COL4A4: variants seen among roughly 807,000 people sequenced by gnomAD.
The protein encoded by COL4A4 is collagen type IV alpha 4 chain, also known as collagen alpha-4(IV) chain.
In COL4A4, 105 loss-of-function variants were observed where a neutral mutation model predicts 192.9. The observed-to-expected ratio is 0.54, with a 90% confidence interval of 0.46 to 0.64. The LOEUF is 0.64. Ranked by LOEUF, COL4A4 falls within the 30% of genes least tolerant of loss-of-function variation. COL4A4 has a pLI of 0.00. For missense variants in COL4A4, 1,967 were observed against 2,169.3 expected, an observed-to-expected ratio of 0.91 and a Z score of 1.85; for synonymous variants, 762 against 769.9, an observed-to-expected ratio of 0.99 and a Z score of 0.17.
chr2:226,982,341 G>T, the COL4A4 span, among the ~76,000 whole-genome samples: 12 of 152,208 alleles, frequency 7.9e-5, no homozygotes, highest in Non-Finnish European at 1.2e-4. Flanking sequence ...CTCCTAGGCC[G>T]CAGATAATCT....
chr2:227,030,303 C>T, intron 41 of COL4A4, 140 bp downstream of exon 41: 1 of 914,282 alleles, frequency 1.1e-6, no homozygotes. Context: ...AACTTCAGGA[C>T]TCTTTGGGGA....
rs376458953 is a variant in COL4A4 at position 227,108,603 on chromosome 2, A to G, written c.713T>C (p.Val238Ala). Residue 238 changes from valine to alanine, a missense_variant, in exon 12 of 48, where the codon GTA (valine) becomes GCA (alanine). Transcript: ENST00000396625. ...TACCGGGTCTCCCATTTGCCCCTTT[A>G]CTCCCACACCGGGATTTCCCTGAGA... is the stretch of plus-strand genomic sequence containing the variant. Reference protein sequence around the residue: ...PGLKGNPGVGVKGQMGDPGEV... With the variant: ...PGLKGNPGVGAKGQMGDPGEV... The G allele has an allele frequency of 2.2e-5, 35 of 1,613,840 alleles. No individual in the cohort carries two copies. The highest frequency in any genetic ancestry group is 2.9e-5 in the Non-Finnish European group (34 of 1,179,912).
chr2:227,087,560 C>A (rs2059670179), intron 22 of COL4A4, among the ~76,000 whole-genome samples: 1 of 152,188 alleles, frequency 6.6e-6, no homozygotes, highest in African/African-American at 2.4e-5. Context: ...AACATGTTGG[C>A]TCTGTCTTCA....
intron 37 of COL4A4, among the ~76,000 whole-genome samples, chr2:227,036,048 A>G (rs1969598125): frequency 6.6e-6 from 1 of 152,240 alleles, no homozygotes; most frequent in Admixed American, 6.5e-5. Context: ...AAAGTTGTTC[A>G]TGCATAAAAT....
chr2:227,018,253 T>C (rs1031010260), intron 44 of COL4A4, among the ~76,000 whole-genome samples: 3 of 152,148 alleles, frequency 2.0e-5, no homozygotes, highest in Admixed American at 6.6e-5. Context: ...TTGTTTTAGA[T>C]GGAGTTTCGC....
At chr2:227,119,730 A>C (rs1340937246) in intron 6 of COL4A4, among the ~76,000 whole-genome samples, 165 bp downstream of exon 6, 1 of 148,718 alleles carries the variant, frequency 6.7e-6, no homozygotes, top group Non-Finnish European at 1.5e-5. Context: ...AGATATATAT[A>C]TATTACGTTG....
At chr2:227,153,904 G>C (rs535309617) in intron 1 of COL4A4, among the ~76,000 whole-genome samples, 2 of 152,244 alleles carry the variant, frequency 1.3e-5, no homozygotes, top group Admixed American at 1.3e-4. Flanking sequence ...AAAGTCTTAC[G>C]TCAATTTACT....
chr2:227,080,663 T>A (rs1022175083), intron 23 of COL4A4, 114 bp from the exon 24 acceptor site: 2 of 843,952 alleles, frequency 2.4e-6, no homozygotes, highest in Admixed American at 4.0e-5. Context: ...GTTTCCTGTG[T>A]ATCTCAATTG....
intron 31 of COL4A4, among the ~76,000 whole-genome samples, chr2:227,053,553 T>C (rs1468321928): frequency 6.9e-6 from 1 of 144,342 alleles, no homozygotes. Context: ...CTTTTTTTTT[T>C]TTTTTTTTTT....
chr2:227,137,491 T>G (rs1309851296), intron 4 of COL4A4, among the ~76,000 whole-genome samples: 1 of 152,068 alleles, frequency 6.6e-6, no homozygotes, highest in African/African-American at 2.4e-5. Flanking sequence ...CTCTGAAGGG[T>G]GGAAATAATA....
intron 41 of COL4A4, among the ~76,000 whole-genome samples, chr2:227,028,881 C>CTA (rs2149938235): frequency 6.6e-6 from 1 of 152,090 alleles, no homozygotes; most frequent in Non-Finnish European, 1.5e-5. Flanking sequence ...TGGTCTTGAA[C>CTA]TATACTGGCC....
chr2:227,118,696 A>G lies in COL4A4; in HGVS notation c.438T>C (p.Gly146=), dbSNP rs1345200624. Reference sequence around the variant, plus strand: ...CTCTTCCTCCTGGAAACCCTGGGTCACCTCTTGAGCCATTGTGGCCACTCA... The same window carrying G: ...CTCTTCCTCCTGGAAACCCTGGGTCGCCTCTTGAGCCATTGTGGCCACTCA... ...PGMSGHNGSR[G]DPGFPGGRGA... Residue 146 remains glycine (G), a synonymous_variant, in exon 7 of 48, where the codon GGT becomes GGC. Coordinates refer to ENST00000396625, the MANE Select transcript of COL4A4 (RefSeq NM_000092.5). 1.2e-6 allele frequency: 2 copies of G among 1,613,908 alleles called. No individual in the cohort carries two copies. The highest frequency in any genetic ancestry group is 1.3e-5 in the African/African-American group (1 of 74,914).
In COL4A4 at chr2:227,057,616, A is replaced by G; in HGVS notation, c.2384-16T>C. On this transcript the variant is annotated splice_polypyrimidine_tract_variant and intron_variant, in intron 28 of 47. Coordinates refer to ENST00000396625, the MANE Select transcript of COL4A4 (RefSeq NM_000092.5). The stretch of plus-strand genomic sequence containing the variant: ...CCAGCTGGCCCTGAAATGATACAAT[A>G]CATCCATGACATTCATGACAAAAAA... 1.2e-6 allele frequency: 2 copies of G among 1,613,662 alleles called. No homozygotes were observed. Among genetic ancestry groups the G allele is most frequent in the Non-Finnish European group, 1.7e-6 (2 of 1,179,686 alleles).
intron 4 of COL4A4, among the ~76,000 whole-genome samples, chr2:227,132,009 T>C (rs1032355933): frequency 1.3e-5 from 2 of 152,154 alleles, no homozygotes; most frequent in African/African-American, 4.8e-5. Flanking sequence ...ACATTTCTGT[T>C]GTATTAAGCC....
In COL4A4 at chr2:227,097,627, T is replaced by C. The variant is rs78575190; in HGVS notation, c.1204+1067A>G. 4.7e-3 allele frequency among the ~76,000 whole-genome samples: 716 copies of C among 152,300 alleles called. 5 individuals are homozygous for C. The highest frequency in any genetic ancestry group is 0.016 in the African/African-American group (652 of 41,556). On this transcript the variant is annotated intron_variant, in intron 19 of 47. Transcript: ENST00000396625. ...ATTACAAACAAGCCTGATTGGAGAATTCTAAGACCAGAGTCCAGTGCTTTC... is the reference window on the plus strand; with the variant it reads ...ATTACAAACAAGCCTGATTGGAGAACTCTAAGACCAGAGTCCAGTGCTTTC...
the COL4A4 span, among the ~76,000 whole-genome samples, chr2:226,980,073 A>G: frequency 9.8e-5 from 15 of 152,312 alleles, no homozygotes; most frequent in East Asian, 2.7e-3. Flanking sequence ...TGAGAAGGGC[A>G]GCCTGGAAAG....
chr2:227,137,332 C>T (rs2062885984), intron 4 of COL4A4, among the ~76,000 whole-genome samples: 1 of 152,182 alleles, frequency 6.6e-6, no homozygotes, highest in Non-Finnish European at 1.5e-5. Flanking sequence ...CAAAGTGATG[C>T]TACAACCCAG....
chr2:227,008,387 T>C (rs1962693642), intron 46 of COL4A4, 83 bp from the exon 47 acceptor site: 2 of 1,464,030 alleles, frequency 1.4e-6, no homozygotes, highest in Non-Finnish European at 1.9e-6. Flanking sequence ...ATCTGGCCTT[T>C]GCAGATACGT....
chr2:227,119,632 G>T (rs1292904643), intron 6 of COL4A4, among the ~76,000 whole-genome samples: 1 of 148,062 alleles, frequency 6.8e-6, no homozygotes, highest in East Asian at 2.0e-4. Context: ...AGCAAAAACC[G>T]CAATTACTTT....
Sources: gnomAD v4.1 joint callset for allele counts (sites outside exome capture counted in the v4.1 genomes callset) on GRCh38, gnomAD v4.1.1 for gene constraint, MANE v1.5 for transcripts, NCBI Gene and HGNC (gene_info 2026-07-23, HGNC 2026-07-21) for gene names.